Variants in TTLL11 observed in about 807,000 individuals in gnomAD.
TTLL11 encodes the protein tubulin tyrosine ligase like 11.
In TTLL11, 42 loss-of-function variants were observed where a neutral mutation model predicts 51.7. That is an observed-to-expected ratio of 0.81 (90% CI 0.64 to 1.05). The LOEUF (loss-of-function observed/expected upper bound fraction) is 1.05, where lower values mean the gene tolerates loss of function less well. Among genes scored for constraint, TTLL11 ranks in the 50% least tolerant of loss-of-function variants. The probability of loss-of-function intolerance (pLI) is 0.00; values close to 1 mark genes in which losing one functional copy is unlikely to be tolerated. For synonymous variants in TTLL11, 381 were observed against 383.5 expected, an observed-to-expected ratio of 0.99 and a Z score of 0.08; for missense variants, 799 against 940.4, an observed-to-expected ratio of 0.85 and a Z score of 1.97.
chr9:121,895,553 ATGTG>A (rs1056406918), intron 6 of TTLL11, among the ~76,000 whole-genome samples: 8 of 142,742 alleles, frequency 5.6e-5, no homozygotes, highest in South Asian at 4.6e-4. Context: ...CGTTGTACAT[ATGTG>A]TGTGTCTGTG....
chr9:122,083,173 C>T (rs77409420), intron 1 of TTLL11, among the ~76,000 whole-genome samples: 6,247 of 152,130 alleles, frequency 0.041, 412 homozygotes, highest in African/African-American at 0.14. Context: ...GGTGGGACTG[C>T]GCATCCCCCA....
chr9:122,084,433 A>C (rs1334704964), intron 1 of TTLL11, among the ~76,000 whole-genome samples: 1 of 152,152 alleles, frequency 6.6e-6, no homozygotes, highest in African/African-American at 2.4e-5. Context: ...TGATACGAGG[A>C]GGAAGGAGAG....
At chr9:121,916,617 G>A (rs1840336819) in intron 6 of TTLL11, among the ~76,000 whole-genome samples, 1 of 152,148 alleles carries the variant, frequency 6.6e-6, no homozygotes. Context: ...TGGGGTTCTG[G>A]GAAGGCTTTC....
At chr9:122,064,439 C>T (rs961736173) in intron 1 of TTLL11, among the ~76,000 whole-genome samples, 3 of 152,182 alleles carry the variant, frequency 2.0e-5, no homozygotes, top group East Asian at 1.9e-4. Context: ...AAATGAGTTC[C>T]TCAAAAGAAG....
chr9:122,018,936 C>G (rs1361028876), intron 3 of TTLL11, among the ~76,000 whole-genome samples: 2 of 152,222 alleles, frequency 1.3e-5, no homozygotes, highest in Non-Finnish European at 2.9e-5. Context: ...CAGCTAAAAT[C>G]AGGCAGTCAA....
chr9:121,989,855 GTGAA>G lies in TTLL11; in HGVS notation c.694-89_694-86del. The G allele has an allele frequency of 6.6e-7, 1 of 1,512,506 alleles. No individual in the cohort carries two copies. 93.7% of individuals were successfully genotyped at this position (1,512,506 alleles called of 1,614,324 possible). ...AGAGCAAGGCCTTAGCAAATGTGTG[GTGAA>G]TGAGTGACAAGATGATCCCTGCCGA... On this transcript the variant is annotated intron_variant, in intron 3 of 8. Transcript: ENST00000321582. This position sits in a 1 kb window ranked among gnomAD's most constrained non-coding sequence, Gnocchi z 4.2.
intron 1 of TTLL11, among the ~76,000 whole-genome samples, chr9:122,072,863 T>C (rs1440211119): frequency 2.0e-5 from 3 of 151,916 alleles, no homozygotes; most frequent in African/African-American, 4.8e-5. Flanking sequence ...CTACACCGGA[T>C]AGTAATAAGC....
intron 6 of TTLL11, among the ~76,000 whole-genome samples, chr9:121,899,064 C>T (rs1324543007): frequency 6.6e-6 from 1 of 152,096 alleles, no homozygotes; most frequent in Non-Finnish European, 1.5e-5. Flanking sequence ...CATGCTGTGT[C>T]AATGAGCTGC....
chr9:122,051,318 G>A (rs995935580), intron 1 of TTLL11, among the ~76,000 whole-genome samples: 2 of 152,210 alleles, frequency 1.3e-5, no homozygotes, highest in African/African-American at 4.8e-5. Context: ...TGGATGGATG[G>A]ATGGATGAAA....
chr9:121,865,010 A>G (rs1012047351), intron 7 of TTLL11, among the ~76,000 whole-genome samples: 6 of 152,076 alleles, frequency 3.9e-5, no homozygotes, highest in African/African-American at 1.4e-4. Context: ...ATCAATATTT[A>G]TTTTTTAAAA....
intron 8 of TTLL11, among the ~76,000 whole-genome samples, chr9:121,854,011 C>T (rs951777269): frequency 6.6e-6 from 1 of 152,182 alleles, no homozygotes; most frequent in Non-Finnish European, 1.5e-5. Context: ...GAGCGCTTTC[C>T]GTGTTTTGTT....
intron 1 of TTLL11, among the ~76,000 whole-genome samples, chr9:122,087,425 T>C (rs887229803): frequency 1.3e-5 from 2 of 152,202 alleles, no homozygotes; most frequent in African/African-American, 4.8e-5. Context: ...AAGTTGTAAG[T>C]AGGACAATAT....
chr9:121,920,172 G>T (rs758274132), intron 6 of TTLL11, among the ~76,000 whole-genome samples: 1 of 152,082 alleles, frequency 6.6e-6, no homozygotes, highest in Non-Finnish European at 1.5e-5. Flanking sequence ...GTGTGGTGGC[G>T]CATGCCTATA....
At chr9:122,004,365 T>G (rs1843574388) in intron 3 of TTLL11, among the ~76,000 whole-genome samples, 1 of 152,042 alleles carries the variant, frequency 6.6e-6, no homozygotes, top group African/African-American at 2.4e-5. Flanking sequence ...TTTTTTTTTT[T>G]TGAGACTGGG....
At chr9:121,988,931 A>T in intron 4 of TTLL11, 1 of 686,436 alleles carries the variant, frequency 1.5e-6, no homozygotes, top group Non-Finnish European at 2.3e-6. Flanking sequence ...TATCTCATTT[A>T]ATTCTTACAA....
Position 121,970,269 on chromosome 9 carries a change from A to C in TTLL11, c.1481+3740T>G, listed in dbSNP as rs141647770. On this transcript the variant is annotated intron_variant, in intron 6 of 8. Coordinates refer to ENST00000321582, the MANE Select transcript of TTLL11 (RefSeq NM_001139442.2). ...ATCCTTCCCAATGGTCCTATGCCCCATTATTAAATTTTAGGCCTGCAGCTC... is the reference window on the plus strand; with the variant it reads ...ATCCTTCCCAATGGTCCTATGCCCCCTTATTAAATTTTAGGCCTGCAGCTC... 5.3e-3 allele frequency among the ~76,000 whole-genome samples: 807 copies of C among 152,322 alleles called. 9 individuals carry two copies. The highest frequency in any genetic ancestry group is 0.018 in the African/African-American group (768 of 41,580).
intron 6 of TTLL11, among the ~76,000 whole-genome samples, chr9:121,912,541 G>C (rs989932546): frequency 6.6e-6 from 1 of 152,052 alleles, no homozygotes; most frequent in African/African-American, 2.4e-5. Context: ...CTAGCACAGA[G>C]GACACCACTC....
intron 8 of TTLL11, among the ~76,000 whole-genome samples, chr9:121,829,774 TACACACACACAC>T (rs10536790): frequency 6.2e-5 from 9 of 144,082 alleles, no homozygotes; most frequent in Non-Finnish European, 1.1e-4. Context: ...ATAATTCAAG[TACACACACACAC>T]ACACACACAC....
rs1564335675 is a variant in TTLL11 at position 121,974,131 on chromosome 9, CG to C, written c.1366-8del. ...CAAACACCCCTGGAGAAAGCTTGAA[CG>C]GGTAAGGATTCTGTGTCACAGTGGA... On this transcript the variant is annotated splice_polypyrimidine_tract_variant and splice_region_variant and intron_variant, in intron 5 of 8. Transcript: ENST00000321582. 1.3e-5 allele frequency: 20 copies of C among 1,547,186 alleles called. No individual in the cohort carries two copies.
Sources: gnomAD v4.1 joint callset for allele counts (sites outside exome capture counted in the v4.1 genomes callset) on GRCh38, gnomAD v4.1.1 for gene constraint, Gnocchi (gnomAD v3.1) non-coding constraint, MANE v1.5 for transcripts, NCBI Gene and HGNC (gene_info 2026-07-23, HGNC 2026-07-21) for gene names.